The following TMEM164 variants were observed in gnomAD, a reference collection of about 807,000 sequenced individuals.
The protein encoded by TMEM164 is RP13-360B22.2.
A neutral mutation model predicts 18.8 loss-of-function variants in TMEM164; 4 were observed. That is an observed-to-expected ratio of 0.21 (90% CI 0.10 to 0.49). The LOEUF (loss-of-function observed/expected upper bound fraction) is 0.49. Among genes scored for constraint, TMEM164 ranks in the 20% least tolerant of loss-of-function variants. TMEM164 has a pLI of 0.98. For missense variants in TMEM164, 108 were observed against 239.9 expected (o/e 0.45, Z 3.63); for synonymous variants, 86 against 101.7 (o/e 0.85, Z 0.93).
At position 110,013,037 on chromosome X, in the gene TMEM164, T is replaced by C. The variant is rs184656094; in HGVS notation, c.390+8873T>C. ...GTGCAAGCTCTGCCCTGTGGCCATG[T>C]GTTTAGGTGGGTAGGAGAGGGAGGA... On this transcript the variant is annotated intron_variant, in intron 2 of 6. Transcript: ENST00000372068. Among the ~76,000 whole-genome samples the C allele has an allele frequency of 6.5e-3, 729 of 111,636 alleles. 5 individuals carry two copies. The highest frequency in any genetic ancestry group is 7.8e-3 in the Non-Finnish European group (412 of 53,030).
chrX:110,055,479 G>A (rs1935782071), intron 2 of TMEM164: 1 of 172,746 alleles, frequency 5.8e-6, no homozygotes, highest in Admixed American at 7.6e-5. Flanking sequence ...TCTTCATCAA[G>A]GTACCAGTTT....
chrX:110,143,138 C>A (rs2066794533), intron 4 of TMEM164, among the ~76,000 whole-genome samples: 1 of 112,297 alleles, frequency 8.9e-6, no homozygotes, highest in Admixed American at 9.4e-5. Flanking sequence ...TTTTTCCTTC[C>A]TTCCCTATTT....
chrX:110,152,497 T>C (rs1321010343), intron 5 of TMEM164, among the ~76,000 whole-genome samples: 4 of 111,966 alleles, frequency 3.6e-5, no homozygotes, highest in Non-Finnish European at 7.5e-5. Flanking sequence ...TTTATTATTA[T>C]TTTTTACATT....
chrX:110,067,179 C>CAT, intron 2 of TMEM164, among the ~76,000 whole-genome samples, 168 bp from the exon 3 acceptor site: 2 of 111,094 alleles, frequency 1.8e-5, no homozygotes, highest in Non-Finnish European at 3.8e-5. Context: ...CACACACACA[C>CAT]GCATGCATGC....
At chrX:110,044,048 G>A (rs1935205760) in intron 2 of TMEM164, among the ~76,000 whole-genome samples, 1 of 112,193 alleles carries the variant, frequency 8.9e-6, no homozygotes, top group South Asian at 3.7e-4. Flanking sequence ...GGACAAAAAG[G>A]TTGAAAACTA....
intron 2 of TMEM164, among the ~76,000 whole-genome samples, chrX:110,054,529 G>A (rs1354420140): frequency 8.9e-6 from 1 of 111,925 alleles, no homozygotes; most frequent in Non-Finnish European, 1.9e-5. Context: ...AGAAACAAAC[G>A]CAACATCTGG....
At chrX:110,182,581 A>G, downstream of TMEM164, 1 of 113,641 alleles carries the variant, frequency 8.8e-6, no homozygotes, top group Non-Finnish European at 1.9e-5. Context: ...TCATTGCCAG[A>G]GGTGAGGTGA....
chrX:110,025,488 T>C (rs762559189), intron 2 of TMEM164, among the ~76,000 whole-genome samples: 5 of 112,187 alleles, frequency 4.5e-5, no homozygotes, highest in African/African-American at 1.6e-4. Flanking sequence ...CTCAATCTGA[T>C]TTTACCTTAT....
intron 2 of TMEM164, among the ~76,000 whole-genome samples, chrX:110,041,504 A>G (rs1412156231): frequency 9.0e-6 from 1 of 111,524 alleles, no homozygotes; most frequent in Non-Finnish European, 1.9e-5. Context: ...GTGTCTGGAC[A>G]TAAGATTTGT....
Position 110,176,461 on chromosome X carries a change from C to T in TMEM164, c.*3010C>T. ...CCAAGTCAGCAATCTCTTTCTCTCT[C>T]TCTCCTCAAACTTCATCGCATTCAT... On this transcript the variant is annotated 3_prime_UTR_variant, in exon 7 of 7. Coordinates refer to ENST00000372068, the MANE Select transcript of TMEM164 (RefSeq NM_032227.4). The T allele has an allele frequency of 1.3e-6, 1 of 748,459 alleles. No individual in the cohort carries two copies. Among genetic ancestry groups the T allele is most frequent in the Non-Finnish European group, 1.6e-6 (1 of 632,195 alleles). 61.7% of individuals were successfully genotyped at this position (748,459 alleles called of 1,213,427 possible).
At chrX:110,108,422 A>G (rs754939208) in intron 3 of TMEM164, among the ~76,000 whole-genome samples, 1 of 111,404 alleles carries the variant, frequency 9.0e-6, no homozygotes, top group African/African-American at 3.3e-5. Flanking sequence ...GGGAAACAGT[A>G]TCATTAACCA....
chrX:110,173,456 G>T lies in TMEM164; in HGVS notation c.*5G>T. The T allele has an allele frequency of 1.7e-6, 2 of 1,185,505 alleles. No individual in the cohort carries two copies. The highest frequency in any genetic ancestry group is 2.3e-6 in the Non-Finnish European group (2 of 886,994). On this transcript the variant is annotated 3_prime_UTR_variant, in exon 7 of 7. Coordinates refer to ENST00000372068, the MANE Select transcript of TMEM164 (RefSeq NM_032227.4). ...CCAGCCAAGAAAATAGACTGAAGGT[G>T]CTTATTTTTTTTTTTTTTCCTCCCT...
At chrX:110,046,696 A>G (rs1028250105) in intron 2 of TMEM164, among the ~76,000 whole-genome samples, 1 of 112,492 alleles carries the variant, frequency 8.9e-6, no homozygotes, top group Non-Finnish European at 1.9e-5. Flanking sequence ...GCAATTGACT[A>G]GGCTGTTAGT....
intron 3 of TMEM164, among the ~76,000 whole-genome samples, chrX:110,080,432 A>G (rs774009251): frequency 6.3e-5 from 7 of 111,849 alleles, no homozygotes; most frequent in Non-Finnish European, 1.3e-4. Context: ...ACTATAGTAC[A>G]GTATCACTGC....
chrX:110,105,750 T>TGAGAGAGAGAGA lies in TMEM164; in HGVS notation c.441-3297_441-3286dup, dbSNP rs59866982. Among the ~76,000 whole-genome samples, 9 of 72,171 alleles carry TGAGAGAGAGAGA rather than the reference T, an allele frequency of 1.2e-4. No individual in the cohort carries two copies. In the East Asian group the frequency reaches 1.4e-3, roughly 12 times the overall value. 62.7% of individuals were successfully genotyped at this position (72,171 alleles called of 115,157 possible). A position where few individuals can be genotyped will look rare whatever the true frequency, so the allele number is the denominator to read the frequency against. ...CACACACAGAGAGAGAGAGAGAGAA[T>TGAGAGAGAGAGA]GAGAGAGAGAGAGAGAGAGAGAGAG... On this transcript the variant is annotated intron_variant, in intron 3 of 6. Coordinates refer to ENST00000372068, the MANE Select transcript of TMEM164 (RefSeq NM_032227.4).
intron 5 of TMEM164, among the ~76,000 whole-genome samples, chrX:110,159,026 A>G (rs2067055976): frequency 8.9e-6 from 1 of 112,496 alleles, no homozygotes; most frequent in Non-Finnish European, 1.9e-5. Flanking sequence ...TAATGGTGGT[A>G]TATAAGTTGT....
At chrX:110,019,764 A>G (rs972474516) in intron 2 of TMEM164, among the ~76,000 whole-genome samples, 1 of 112,233 alleles carries the variant, frequency 8.9e-6, no homozygotes, top group Non-Finnish European at 1.9e-5. Flanking sequence ...AGCTGGTATT[A>G]ATATATAGAC....
At chrX:110,040,798 C>G (rs772250760) in intron 2 of TMEM164, among the ~76,000 whole-genome samples, 1 of 111,290 alleles carries the variant, frequency 9.0e-6, no homozygotes, top group South Asian at 3.8e-4. Flanking sequence ...GCCTCTGAGG[C>G]TAGTGGGCAC....
chrX:110,173,137 C>A, intron 6 of TMEM164, 108 bp from the exon 7 acceptor site: 1 of 804,806 alleles, frequency 1.2e-6, no homozygotes, highest in Non-Finnish European at 1.8e-6. Context: ...GGGGATTGGT[C>A]AATCCCTCCT....
Sources: allele counts gnomAD v4.1 joint callset (sites outside exome capture counted in the v4.1 genomes callset), GRCh38; gene constraint gnomAD v4.1.1; transcripts MANE v1.5; gene names NCBI Gene and HGNC (gene_info 2026-07-23, HGNC 2026-07-21).